Variants in ARB2A observed in about 807,000 individuals in gnomAD.
ARB2A encodes cotranscriptional regulator ARB2A.
chr5:94,068,668 T>C, the ARB2A span, among the ~76,000 whole-genome samples: 1 of 152,060 alleles, frequency 6.6e-6, no homozygotes, highest in South Asian at 2.1e-4. Flanking sequence ...CCCTCTTTAC[T>C]ACCTGATTGG....
At chr5:93,927,605 T>G in the ARB2A span, among the ~76,000 whole-genome samples, 1 of 152,224 alleles carries the variant, frequency 6.6e-6, no homozygotes, top group Non-Finnish European at 1.5e-5. Flanking sequence ...TCCAATCTAT[T>G]ATTTACTAGT....
At chr5:93,695,071 A>G in the ARB2A span, among the ~76,000 whole-genome samples, 1 of 152,228 alleles carries the variant, frequency 6.6e-6, no homozygotes, top group South Asian at 2.1e-4. Flanking sequence ...CATAAGACCT[A>G]AATCCATAAA....
the ARB2A span, among the ~76,000 whole-genome samples, chr5:93,673,929 T>G: frequency 1.3e-5 from 2 of 152,192 alleles, no homozygotes; most frequent in Admixed American, 1.3e-4. Context: ...CATATCCCTT[T>G]TATTCTAATA....
chr5:93,894,818 A>C, the ARB2A span, among the ~76,000 whole-genome samples: 1 of 152,174 alleles, frequency 6.6e-6, no homozygotes, highest in Non-Finnish European at 1.5e-5. Context: ...AGTCCTGATG[A>C]ATAAAAATGA....
the ARB2A span, chr5:93,784,545 C>T: frequency 2.8e-6 from 4 of 1,433,784 alleles, no homozygotes; most frequent in South Asian, 4.7e-5. Flanking sequence ...ATTGTTTTTC[C>T]TACTGGGTGC....
At chr5:93,696,038 G>T in the ARB2A span, among the ~76,000 whole-genome samples, 3 of 152,100 alleles carry the variant, frequency 2.0e-5, no homozygotes, top group African/African-American at 7.2e-5. Context: ...TCTGTCGGGG[G>T]GTGGGGGACT....
At chr5:93,746,436 T>C in the ARB2A span, among the ~76,000 whole-genome samples, 2 of 152,224 alleles carry the variant, frequency 1.3e-5, no homozygotes, top group Non-Finnish European at 2.9e-5. Flanking sequence ...GGAGAAATGC[T>C]ATAATGTAGT....
At chr5:93,821,791 A>G in the ARB2A span, among the ~76,000 whole-genome samples, 1 of 151,938 alleles carries the variant, frequency 6.6e-6, no homozygotes, top group South Asian at 2.1e-4. Flanking sequence ...TCAGGGTACA[A>G]TGTTATTTGC....
At chr5:93,822,897 G>T in the ARB2A span, among the ~76,000 whole-genome samples, 1 of 152,148 alleles carries the variant, frequency 6.6e-6, no homozygotes, top group Admixed American at 6.6e-5. Context: ...AGCACTTGTA[G>T]AGTTAAGTCA....
At chr5:93,758,104 T>C in the ARB2A span, among the ~76,000 whole-genome samples, 1 of 152,080 alleles carries the variant, frequency 6.6e-6, no homozygotes. Context: ...TATTCTTACA[T>C]GAGACAAAAC....
the ARB2A span, among the ~76,000 whole-genome samples, chr5:94,041,835 C>T: frequency 2.6e-5 from 4 of 152,016 alleles, no homozygotes; most frequent in Non-Finnish European, 4.4e-5. Context: ...CTAGCTATGA[C>T]GGAAAGAGTC....
chr5:93,944,685 GAAAGAACA>G, the ARB2A span, among the ~76,000 whole-genome samples: 5 of 151,722 alleles, frequency 3.3e-5, no homozygotes, highest in East Asian at 1.9e-4. Flanking sequence ...AGAGAAGAAT[GAAAGAACA>G]AAAGAACAAA....
At chr5:94,106,002 A>G in the ARB2A span, among the ~76,000 whole-genome samples, 61 of 152,270 alleles carry the variant, frequency 4.0e-4, 1 homozygote, top group African/African-American at 1.4e-3. Flanking sequence ...TTAAAGACTT[A>G]CATGTAAAGC....
At chr5:93,738,092 G>C in the ARB2A span, 1 of 235,176 alleles carries the variant, frequency 4.3e-6, no homozygotes, top group Admixed American at 5.7e-5. Context: ...TTAATATCCA[G>C]ACTCTATGAA....
chr5:93,756,576 C>A, the ARB2A span, among the ~76,000 whole-genome samples: 1 of 152,166 alleles, frequency 6.6e-6, no homozygotes, highest in African/African-American at 2.4e-5. Context: ...AGTACCAGCC[C>A]AGAACGGGGT....
At chr5:93,921,464 G>A in the ARB2A span, among the ~76,000 whole-genome samples, 16 of 152,236 alleles carry the variant, frequency 1.1e-4, no homozygotes, top group South Asian at 6.2e-4. Flanking sequence ...AAGATAAGAG[G>A]AGAAGCAACT....
chr5:93,850,649 G>A, the ARB2A span, among the ~76,000 whole-genome samples: 1 of 152,006 alleles, frequency 6.6e-6, no homozygotes, highest in African/African-American at 2.4e-5. Flanking sequence ...TCTGGAACTC[G>A]CCATCAAACT....
the ARB2A span, chr5:94,055,974 T>C: frequency 1.2e-6 from 1 of 843,160 alleles, no homozygotes. Context: ...ATTACTTCAT[T>C]TGATCATCAC....
At chr5:93,756,332 C>G in the ARB2A span, among the ~76,000 whole-genome samples, 1 of 152,192 alleles carries the variant, frequency 6.6e-6, no homozygotes, top group East Asian at 1.9e-4. Context: ...CTTGGGCGTT[C>G]TAGGGCCCTG....
Sources: allele counts gnomAD v4.1 joint callset (sites outside exome capture counted in the v4.1 genomes callset), GRCh38; gene constraint gnomAD v4.1.1; transcripts MANE v1.5; gene names NCBI Gene and HGNC (gene_info 2026-07-23, HGNC 2026-07-21).